The following PXDNL variants were observed in gnomAD, a reference collection of about 807,000 sequenced individuals.
PXDNL encodes peroxidasin like, also known as probable oxidoreductase PXDNL.
A neutral mutation model predicts 150.8 loss-of-function variants in PXDNL; 145 were observed. That is an observed-to-expected ratio of 0.96 (90% CI 0.84 to 1.10). PXDNL has a LOEUF of 1.10. Ranked by LOEUF, PXDNL falls within the 50% of genes least tolerant of loss-of-function variation. The probability of loss-of-function intolerance (pLI) is 0.00; values close to 1 mark genes in which losing one functional copy is unlikely to be tolerated. For missense variants in PXDNL, 2,087 were observed against 1,873.9 expected, an observed-to-expected ratio of 1.11 and a Z score of -2.10; for synonymous variants, 757 against 725.7, an observed-to-expected ratio of 1.04 and a Z score of -0.69.
chr8:51,780,720 C>T (rs1392269369), intron 1 of PXDNL, among the ~76,000 whole-genome samples: 4 of 137,998 alleles, frequency 2.9e-5, no homozygotes, highest in South Asian at 2.2e-4. Context: ...AGTGCTGTGG[C>T]GCGATCTCAG....
intron 2 of PXDNL, among the ~76,000 whole-genome samples, chr8:51,595,832 A>G (rs527263854): frequency 0.13 from 10,638 of 82,048 alleles, 997 homozygotes; most frequent in African/African-American, 0.44. Flanking sequence ...AACTGTAGGA[A>G]AAAAAAAGAG....
chr8:51,524,232 T>G (rs1273056596), intron 4 of PXDNL, among the ~76,000 whole-genome samples: 1 of 152,198 alleles, frequency 6.6e-6, no homozygotes, highest in Non-Finnish European at 1.5e-5. Context: ...GTTGTTTTCA[T>G]CCTCTGAAAA....
At position 51,322,878 on chromosome 8, in the gene PXDNL, T is replaced by C. The variant is rs567488356; in HGVS notation, c.4147-1981A>G. 2.0e-5 allele frequency among the ~76,000 whole-genome samples: 3 copies of C among 152,342 alleles called. No homozygotes were observed. In the East Asian group the frequency reaches 5.8e-4, roughly 29 times the overall value. On this transcript the variant is annotated intron_variant, in intron 21 of 22. Transcript: ENST00000356297. ...GCAGTGGCATCCACCCATTCATTAC[T>C]CAATAGATATATTCAGTACCTGATA...
At chr8:51,674,677 C>T (rs1034779036) in intron 1 of PXDNL, among the ~76,000 whole-genome samples, 2 of 152,184 alleles carry the variant, frequency 1.3e-5, no homozygotes, top group Admixed American at 6.5e-5. Flanking sequence ...TGGACCTGAG[C>T]GTCAGAGATT....
Position 51,756,110 on chromosome 8 carries a change from T to C in PXDNL, c.164+53071A>G, listed in dbSNP as rs192733725. 1.3e-3 allele frequency among the ~76,000 whole-genome samples: 196 copies of C among 152,154 alleles called. 3 individuals carry two copies. Among genetic ancestry groups the C allele is most frequent in the Admixed American group, 0.012 (182 of 15,276 alleles). ...ACCATCTCTTAAAAAAAATCTGAAT[T>C]CAACCGGGTGCAGTGGCTCACCCCT... On this transcript the variant is annotated intron_variant, in intron 1 of 22. Coordinates refer to ENST00000356297, the MANE Select transcript of PXDNL (RefSeq NM_144651.5).
At chr8:51,780,239 C>A (rs2037397408) in intron 1 of PXDNL, among the ~76,000 whole-genome samples, 1 of 152,026 alleles carries the variant, frequency 6.6e-6, no homozygotes, top group Admixed American at 6.6e-5. Flanking sequence ...GAGCCTCAGG[C>A]CCTCCTAGGA....
At chr8:51,472,775 G>T (rs189005345) in intron 7 of PXDNL, among the ~76,000 whole-genome samples, 70 of 152,224 alleles carry the variant, frequency 4.6e-4, no homozygotes, top group Non-Finnish European at 6.3e-4. Flanking sequence ...CTATATAAAT[G>T]AATGATTCCA....
rs535915938 is a variant in PXDNL at position 51,684,137 on chromosome 8, T to C, written c.165-29377A>G. Among the ~76,000 whole-genome samples the C allele has an allele frequency of 1.4e-4, 21 of 152,328 alleles. No homozygotes were observed. The East Asian group carries it at 3.7e-3, about 27-fold the overall frequency. ...GTTTGGTTTTATGGCTGCTAGCACA[T>C]GCATCCACATGCTTATAAAGTATCT... On this transcript the variant is annotated intron_variant, in intron 1 of 22. Coordinates refer to ENST00000356297, the MANE Select transcript of PXDNL (RefSeq NM_144651.5).
chr8:51,569,203 G>A (rs910529935), intron 3 of PXDNL, among the ~76,000 whole-genome samples: 28 of 151,896 alleles, frequency 1.8e-4, no homozygotes, highest in African/African-American at 6.5e-4. Context: ...AACAGGAACT[G>A]AGGTAAATAA....
chr8:51,706,007 A>G (rs535072802), intron 1 of PXDNL, among the ~76,000 whole-genome samples: 1 of 152,362 alleles, frequency 6.6e-6, no homozygotes, highest in East Asian at 1.9e-4. Context: ...AGAAGGCACG[A>G]AGATGAAAAT....
At chr8:51,571,013 AT>A (rs1412457517) in intron 3 of PXDNL, among the ~76,000 whole-genome samples, 1 of 151,818 alleles carries the variant, frequency 6.6e-6, no homozygotes, top group African/African-American at 2.4e-5. Flanking sequence ...GAGTGTAATA[AT>A]TCACTAATTT....
At chr8:51,527,584 G>T (rs1171291167) in intron 4 of PXDNL, among the ~76,000 whole-genome samples, 1 of 152,200 alleles carries the variant, frequency 6.6e-6, no homozygotes, top group East Asian at 1.9e-4. Flanking sequence ...ATGGCCCAGG[G>T]CTCAGAACAG....
intron 20 of PXDNL, among the ~76,000 whole-genome samples, chr8:51,342,750 C>T (rs995672034): frequency 3.3e-5 from 5 of 152,052 alleles, no homozygotes; most frequent in African/African-American, 1.2e-4. Context: ...CACTTAACTG[C>T]CTAGTAGTTC....
At chr8:51,565,594 A>G (rs977611947) in intron 3 of PXDNL, among the ~76,000 whole-genome samples, 10 of 151,894 alleles carry the variant, frequency 6.6e-5, no homozygotes, top group Non-Finnish European at 1.0e-4. Flanking sequence ...GAATGAGAGT[A>G]CTGTCAAATA....
chr8:51,380,646 T>G (rs944436235), intron 17 of PXDNL, among the ~76,000 whole-genome samples: 1 of 152,218 alleles, frequency 6.6e-6, no homozygotes. Flanking sequence ...TTTCTGATCT[T>G]TATCTTTTTC....
At chr8:51,537,877 G>A (rs1212116148) in intron 4 of PXDNL, among the ~76,000 whole-genome samples, 1 of 152,144 alleles carries the variant, frequency 6.6e-6, no homozygotes, top group Non-Finnish European at 1.5e-5. Context: ...GAATATCAAT[G>A]AGGAATCAGA....
chr8:51,734,314 T>C (rs1816991004), intron 1 of PXDNL, among the ~76,000 whole-genome samples: 1 of 152,130 alleles, frequency 6.6e-6, no homozygotes, highest in African/African-American at 2.4e-5. Context: ...GAAATTAAAG[T>C]AAAAAAGGAC....
In PXDNL at chr8:51,747,172, G is replaced by A. The variant is rs80082060; in HGVS notation, c.164+62009C>T. Among the ~76,000 whole-genome samples, 1,402 of 152,364 alleles carry A rather than the reference G, an allele frequency of 9.2e-3. 8 individuals are homozygous for A. Among genetic ancestry groups the A allele is most frequent in the Non-Finnish European group, 0.014 (977 of 68,038 alleles). On this transcript the variant is annotated intron_variant, in intron 1 of 22. Coordinates refer to ENST00000356297, the MANE Select transcript of PXDNL (RefSeq NM_144651.5). ...TAGCATGAAATTCAGGCTTCTCCCT[G>A]TGAGACTCAAAGACCTGATCCAACC... is the stretch of plus-strand genomic sequence containing the variant.
At chr8:51,436,077 C>T (rs998797724) in intron 12 of PXDNL, 11 of 514,338 alleles carry the variant, frequency 2.1e-5, no homozygotes, top group Admixed American at 1.5e-4. Flanking sequence ...TGACTGGAAA[C>T]CTTTTGAAAG....
Sources: gnomAD v4.1 joint callset for allele counts (sites outside exome capture counted in the v4.1 genomes callset) on GRCh38, gnomAD v4.1.1 for gene constraint, MANE v1.5 for transcripts, NCBI Gene and HGNC (gene_info 2026-07-23, HGNC 2026-07-21) for gene names.